The following ARHGAP39 variants were observed in gnomAD, a reference collection of about 807,000 sequenced individuals.
The protein encoded by ARHGAP39 is Rho GTPase activating protein 39.
In ARHGAP39, 44 loss-of-function variants were observed where a neutral mutation model predicts 106.9. The ratio of observed to expected loss-of-function variants is 0.41; its 90% CI spans 0.32 to 0.53. ARHGAP39 has a LOEUF of 0.53. ARHGAP39 is among the 20% of genes least tolerant of loss of function. The pLI, the probability that ARHGAP39 is intolerant of heterozygous loss-of-function variation, is 0.21. For missense variants in ARHGAP39, 1,496 were observed against 1,577.3 expected (o/e 0.95, Z 0.87); for synonymous variants, 768 against 693.2 (o/e 1.11, Z -1.69).
chr8:144,699,082 C>T, the ARHGAP39 span: 5 of 319,922 alleles, frequency 1.6e-5, no homozygotes, highest in South Asian at 1.2e-4. Flanking sequence ...CCTCTTGTCT[C>T]TTGGGAGGTA....
At chr8:144,692,541 C>G in the ARHGAP39 span, among the ~76,000 whole-genome samples, 1 of 152,146 alleles carries the variant, frequency 6.6e-6, no homozygotes, top group Non-Finnish European at 1.5e-5. Context: ...TGCTCCTAGA[C>G]ATGACATCAG....
intron 3 of ARHGAP39, 86 bp downstream of exon 3, chr8:144,580,760 C>T (rs1192376011): frequency 2.0e-5 from 3 of 150,864 alleles, no homozygotes; most frequent in Non-Finnish European, 2.7e-5. Context: ...CTCACCTGGC[C>T]CCGCCCACCA....
chr8:144,580,633 A>G (rs1256143812), intron 3 of ARHGAP39, among the ~76,000 whole-genome samples: 1 of 100,214 alleles, frequency 1.0e-5, no homozygotes, highest in Admixed American at 1.0e-4. Flanking sequence ...GGCCCCGCCC[A>G]CCACCGTCAC....
chr8:144,573,121 T>C (rs1415527127), intron 3 of ARHGAP39, among the ~76,000 whole-genome samples: 1 of 152,216 alleles, frequency 6.6e-6, no homozygotes, highest in Admixed American at 6.5e-5. Flanking sequence ...CAAAGGATTA[T>C]AAATCTTGCT....
At chr8:144,699,458 A>G in the ARHGAP39 span, among the ~76,000 whole-genome samples, 21 of 6,936 alleles carry the variant, frequency 3.0e-3, no homozygotes, top group Non-Finnish European at 5.5e-3. Context: ...CGGGGGTGGG[A>G]GGCTGTGGGG....
At chr8:144,661,081 C>T (rs1821810019) in intron 1 of ARHGAP39, among the ~76,000 whole-genome samples, 2 of 152,284 alleles carry the variant, frequency 1.3e-5, no homozygotes, top group South Asian at 2.1e-4. Context: ...ATGGAGGCTG[C>T]AGTCCAGTCT....
At chr8:144,620,999 G>A (rs571871336) in intron 1 of ARHGAP39, among the ~76,000 whole-genome samples, 4 of 152,404 alleles carry the variant, frequency 2.6e-5, no homozygotes, top group South Asian at 2.1e-4. Context: ...GCCTGTGAAG[G>A]CCTGCTTTGC....
At chr8:144,558,735 G>A (rs1346292526) in intron 3 of ARHGAP39, among the ~76,000 whole-genome samples, 3 of 152,160 alleles carry the variant, frequency 2.0e-5, no homozygotes, top group African/African-American at 7.2e-5. Context: ...TATAAAAATA[G>A]CTGAGAAGTA....
intron 1 of ARHGAP39, among the ~76,000 whole-genome samples, chr8:144,640,873 C>A (rs991910745): frequency 6.6e-6 from 1 of 152,126 alleles, no homozygotes; most frequent in African/African-American, 2.4e-5. Flanking sequence ...AACGAAGCCA[C>A]GTTTTCCGAT....
chr8:144,664,113 G>A (rs1274890025), intron 1 of ARHGAP39, among the ~76,000 whole-genome samples: 1 of 152,098 alleles, frequency 6.6e-6, no homozygotes, highest in Non-Finnish European at 1.5e-5. Context: ...GCTGCAGTGA[G>A]CTGAGATCAT....
intron 1 of ARHGAP39, among the ~76,000 whole-genome samples, chr8:144,616,331 C>T (rs1470397562): frequency 6.6e-6 from 1 of 152,220 alleles, no homozygotes. Context: ...ATGAAAGGGT[C>T]CTGGCTTGTT....
At position 144,580,956 on chromosome 8, in the gene ARHGAP39, G is replaced by A. The variant is rs1475575503; in HGVS notation, c.402C>T (p.Gly134=). ...PGRGSSVSRE[G]STSSSLEPEP... ...CGGGCTCCAGGGAGGAGCTGGTGCTGCCCTCACGGCTGACGCTGCTGCCGC... is the reference window on the plus strand; with the variant it reads ...CGGGCTCCAGGGAGGAGCTGGTGCTACCCTCACGGCTGACGCTGCTGCCGC... Residue 134 remains glycine, a synonymous_variant, in exon 3 of 12, where the codon GGC becomes GGT. Transcript: ENST00000377307. 1.9e-6 allele frequency: 3 copies of A among 1,603,486 alleles called. No homozygotes were observed. Among genetic ancestry groups the A allele is most frequent in the Non-Finnish European group, 1.7e-6 (2 of 1,176,842 alleles).
rs1258704693 is a variant in ARHGAP39 at position 144,618,247 on chromosome 8, G to A, written c.-81-12552C>T. On this transcript the variant is annotated intron_variant, in intron 1 of 11. Transcript: ENST00000377307. ...CCTTGTCCCCGCCCTCTCCCAGACT[G>A]GGGTCCTGGTGTGGGGCTGGGGCCA... is the stretch of plus-strand genomic sequence containing the variant. Among the ~76,000 whole-genome samples the A allele has an allele frequency of 2.6e-5, 4 of 152,352 alleles. No homozygotes were observed. The East Asian group carries it at 5.8e-4, about 22-fold the overall frequency.
rs372081567 is a variant in ARHGAP39, at chr8:144,534,236, G to A, written c.2615-34C>T. 5 of 1,607,448 alleles carry A rather than the reference G, an allele frequency of 3.1e-6. No homozygotes were observed. The African/African-American group carries it at 5.5e-5, about 18-fold the overall frequency. ...GAAAGGGGCCTGATCAGCCTGATGT[G>A]GGTGTGTGGGTGTGGGGCCAGGAGA... On this transcript the variant is annotated intron_variant, in intron 7 of 11. Transcript: ENST00000377307.
At chr8:144,688,954 G>C (rs1018011359), upstream of ARHGAP39, among the ~76,000 whole-genome samples, 1 of 152,064 alleles carries the variant, frequency 6.6e-6, no homozygotes, top group Admixed American at 6.5e-5. Flanking sequence ...CATGAAGGGG[G>C]ACGGACCCTG....
intron 7 of ARHGAP39, among the ~76,000 whole-genome samples, chr8:144,534,855 A>T (rs1816889330): frequency 6.6e-6 from 1 of 152,200 alleles, no homozygotes; most frequent in South Asian, 2.1e-4. Context: ...CTGAGTCAGC[A>T]CCTGATGAGG....
intron 1 of ARHGAP39, among the ~76,000 whole-genome samples, chr8:144,651,221 G>A (rs925485742): frequency 6.6e-6 from 1 of 152,078 alleles, no homozygotes; most frequent in South Asian, 2.1e-4. Flanking sequence ...TCTCTAAAAT[G>A]AGAATTACAA....
intron 1 of ARHGAP39, among the ~76,000 whole-genome samples, chr8:144,611,227 T>C (rs1820479941): frequency 6.6e-6 from 1 of 152,248 alleles, no homozygotes; most frequent in African/African-American, 2.4e-5. Flanking sequence ...ATTATGTTTT[T>C]CTCAGAGAAC....
Position 144,594,943 on chromosome 8 carries a change from G to A in ARHGAP39, c.80+10592C>T, listed in dbSNP as rs1819552454. On this transcript the variant is annotated intron_variant, in intron 2 of 11. Transcript: ENST00000377307. ...TGTAATCTCGGCACTTTGGGAGGCC[G>A]AAGTGGGAGGATCGCTTCAGCCTGG... is the stretch of plus-strand genomic sequence containing the variant. Among the ~76,000 whole-genome samples the A allele has an allele frequency of 2.6e-5, 4 of 152,138 alleles. No homozygotes were observed. In the South Asian group the frequency reaches 8.3e-4, roughly 32 times the overall value.
Sources: allele counts gnomAD v4.1 joint callset (sites outside exome capture counted in the v4.1 genomes callset), GRCh38; gene constraint gnomAD v4.1.1; transcripts MANE v1.5; gene names NCBI Gene and HGNC (gene_info 2026-07-23, HGNC 2026-07-21).